Variants in URB1 observed in about 807,000 individuals in gnomAD.
The protein encoded by URB1 is nucleolar pre-ribosomal-associated protein 1.
URB1 carries 197 observed loss-of-function variants against 242.3 expected under a neutral mutation model. The ratio of observed to expected loss-of-function variants is 0.81; its 90% CI spans 0.72 to 0.91. The LOEUF is 0.91. Ranked by LOEUF, URB1 falls within the 40% of genes least tolerant of loss-of-function variation. The pLI, the probability that URB1 is intolerant of heterozygous loss-of-function variation, is 0.00. For synonymous variants in URB1, 1,153 were observed against 1,201.8 expected, an observed-to-expected ratio of 0.96 and a Z score of 0.84; for missense variants, 2,721 against 2,860.5, an observed-to-expected ratio of 0.95 and a Z score of 1.11.
At position 32,337,651 on chromosome 21, in the gene URB1, T is replaced by C. The variant is rs184014738; in HGVS notation, c.4511-137A>G. 1.2e-3 allele frequency: 702 copies of C among 586,872 alleles called. 1 individual carries two copies. The highest frequency in any genetic ancestry group is 1.7e-3 in the Non-Finnish European group (563 of 336,608). The allele number at this position is 586,872 out of a possible 1,614,324, so 36.4% of individuals were successfully genotyped here. A position where few individuals can be genotyped will look rare whatever the true frequency, so the allele number is the denominator to read the frequency against. ...AATAATACTGGTGTTTGGACTGCCA[T>C]CTAATCCCTTCCCCGCTTATTTTTT... is the stretch of plus-strand genomic sequence containing the variant. On this transcript the variant is annotated intron_variant, in intron 26 of 38. Coordinates refer to ENST00000382751, the MANE Select transcript of URB1 (RefSeq NM_014825.3).
chr21:32,348,718 C>T (rs16989300), intron 21 of URB1, among the ~76,000 whole-genome samples: 3,886 of 152,290 alleles, frequency 0.026, 164 homozygotes, highest in African/African-American at 0.089. Context: ...CTTTGCCTCA[C>T]GCTGACTGGC....
chr21:32,337,839 A>G (rs2032980403), intron 26 of URB1, among the ~76,000 whole-genome samples: 1 of 151,920 alleles, frequency 6.6e-6, no homozygotes, highest in Admixed American at 6.6e-5. Flanking sequence ...GTGTTTTTCA[A>G]TTAAGACATC....
rs752715368 is a variant in URB1, at chr21:32,373,785, TAAAAC to T, written c.751-18_751-14del. 2.9e-4 allele frequency: 435 copies of T among 1,501,922 alleles called. 1 individual carries two copies. In the African/African-American group the frequency reaches 5.7e-3, roughly 20 times the overall value. The allele number at this position is 1,501,922 out of a possible 1,614,324, so 93.0% of individuals were successfully genotyped here. On this transcript the variant is annotated splice_polypyrimidine_tract_variant and intron_variant, in intron 6 of 38. Transcript: ENST00000382751. Reference sequence around the variant, plus strand: ...TATTGTGAACTACCTGAAACAATAATAAAACAAATTATTAAAAAACAAATTATGAA... The same window carrying T: ...TATTGTGAACTACCTGAAACAATAATAAATTATTAAAAAACAAATTATGAA...
At chr21:32,391,606 C>T (rs1021100216) in intron 1 of URB1, among the ~76,000 whole-genome samples, 9 of 152,078 alleles carry the variant, frequency 5.9e-5, no homozygotes, top group East Asian at 3.9e-4. Flanking sequence ...TTATCTCTAC[C>T]GTAGCAAATA....
intron 24 of URB1, among the ~76,000 whole-genome samples, chr21:32,341,755 A>T (rs911899024): frequency 5.3e-5 from 8 of 151,608 alleles, no homozygotes; most frequent in Non-Finnish European, 8.8e-5. Context: ...TGCAATGATT[A>T]TTTTTTTTTA....
chr21:32,348,085 C>A (rs912124808), intron 21 of URB1, among the ~76,000 whole-genome samples: 1 of 152,176 alleles, frequency 6.6e-6, no homozygotes, highest in African/African-American at 2.4e-5. Flanking sequence ...CTGGCTGGTG[C>A]CCCACCCACA....
intron 38 of URB1, among the ~76,000 whole-genome samples, chr21:32,316,075 A>G (rs2032678878): frequency 6.6e-6 from 1 of 152,224 alleles, no homozygotes; most frequent in African/African-American, 2.4e-5. Flanking sequence ...ATGCACATGC[A>G]CATGCGCACA....
At chr21:32,339,395 G>A (rs2033001609) in intron 25 of URB1, among the ~76,000 whole-genome samples, 1 of 151,996 alleles carries the variant, frequency 6.6e-6, no homozygotes, top group African/African-American at 2.4e-5. Flanking sequence ...CACTGACACG[G>A]CACTGCATAG....
intron 20 of URB1, among the ~76,000 whole-genome samples, chr21:32,349,878 T>C (rs1053334615): frequency 3.3e-5 from 5 of 150,952 alleles, no homozygotes; most frequent in Non-Finnish European, 7.4e-5. Flanking sequence ...GTATATCACC[T>C]GAGGTCAGGA....
intron 8 of URB1, among the ~76,000 whole-genome samples, chr21:32,371,319 G>A (rs7283020): frequency 0.15 from 22,456 of 152,152 alleles, 2,220 homozygotes; most frequent in African/African-American, 0.28. Flanking sequence ...GCAAAGAGAC[G>A]CACACCCACA....
At chr21:32,342,017 C>T (rs560217290) in intron 24 of URB1, among the ~76,000 whole-genome samples, 2 of 148,556 alleles carry the variant, frequency 1.3e-5, no homozygotes, top group Non-Finnish European at 3.0e-5. Flanking sequence ...AAACAATCCA[C>T]AAGAGCATGA....
In URB1 at chr21:32,325,334, G is replaced by A. The variant is rs1239223517; in HGVS notation, c.5016C>T (p.Val1672=). 1 of 1,551,612 alleles carries A rather than the reference G, an allele frequency of 6.4e-7. No individual in the cohort carries two copies. Among genetic ancestry groups the A allele is most frequent in the Admixed American group, 2.0e-5 (1 of 50,980 alleles). ...GGGGGTCATAGCTGCTGAGGGCTGT[G>A]ACAGTTAGGCCCAGAGCATTTGAAT... is the stretch of plus-strand genomic sequence containing the variant. ...FLDSNALGLT[V]TALSSYDPQM... is the part of the protein sequence containing the mutation. Residue 1672 remains valine (V), a synonymous_variant, in exon 31 of 39, where the codon GTC becomes GTT. Coordinates refer to ENST00000382751, the MANE Select transcript of URB1 (RefSeq NM_014825.3).
Position 32,338,757 on chromosome 21 carries a change from G to A in URB1, c.4460C>T (p.Pro1487Leu), listed in dbSNP as rs200095392. 8.2e-4 allele frequency: 1,271 copies of A among 1,551,638 alleles called. 4 individuals are homozygous for A. Among genetic ancestry groups the A allele is most frequent in the Admixed American group, 1.6e-3 (82 of 51,000 alleles). ...CTCTCCGTCAGACGTCAGTAGAGTC[G>A]GCAGAAACAGCGAGTGCTGCATGAG... Reference protein sequence around the residue: ...VMLMQHSLFLPTLLTSDGEES... With the variant: ...VMLMQHSLFLLTLLTSDGEES... Residue 1487 changes from proline (P) to leucine (L), a missense_variant, in exon 26 of 39, where the codon CCG (proline) becomes CTG (leucine). Physicochemically the swap from Pro to Leu is moderately conservative, Grantham distance 98. Transcript: ENST00000382751.
chr21:32,321,701 C>CT, intron 34 of URB1, 100 bp downstream of exon 34: 1 of 1,496,976 alleles, frequency 6.7e-7, no homozygotes, highest in South Asian at 1.3e-5. Flanking sequence ...CGGTCGTGTC[C>CT]AGGCTGGGAA....
chr21:32,334,247 C>A lies in URB1; in HGVS notation c.4773G>T (p.Gly1591=), dbSNP rs1342642773. The stretch of plus-strand genomic sequence containing the variant: ...CCCGGTCCAGCAGGCGAAGGATGTC[C>A]CCGACACTCGGCTGCTGCCACAGTG... ...GRSLWQQPSV[G]DILRLLDRDR... Residue 1591 remains glycine, a synonymous_variant, in exon 29 of 39, where the codon GGG becomes GGT. Transcript: ENST00000382751. 2.1e-5 allele frequency: 33 copies of A among 1,551,420 alleles called. No homozygotes were observed. The highest frequency in any genetic ancestry group is 2.8e-5 in the Non-Finnish European group (32 of 1,146,974).
chr21:32,349,511 C>A, intron 20 of URB1, 28 bp from the exon 21 acceptor site: 1 of 1,519,160 alleles, frequency 6.6e-7, no homozygotes. Flanking sequence ...CGAGCCTCAG[C>A]AGGGAAGAGA....
intron 1 of URB1, among the ~76,000 whole-genome samples, chr21:32,387,734 G>A (rs1352938244): frequency 6.6e-6 from 1 of 151,940 alleles, no homozygotes; most frequent in African/African-American, 2.4e-5. Flanking sequence ...AGACACATCA[G>A]AATAGCGTGG....
In URB1 at chr21:32,361,918, G is replaced by C; in HGVS notation, c.1613C>G (p.Pro538Arg). 6.4e-7 allele frequency: 1 copy of C among 1,551,254 alleles called. No individual in the cohort carries two copies. The highest frequency in any genetic ancestry group is 1.2e-5 in the South Asian group (1 of 84,040). Residue 538 changes from proline to arginine, a missense_variant, in exon 12 of 39, where the codon CCG (proline) becomes CGG (arginine). Physicochemically the swap from Pro to Arg is moderately radical, Grantham distance 103. Transcript: ENST00000382751. ...KKGQKRSDGP[P>R]AACDAHQCDD... is the part of the protein sequence containing the mutation. ...GCACTGGTGAGCATCGCAGGCAGCC[G>C]GGGGCCCATCGCTCCTTTTCTGCCC...
In URB1 at chr21:32,311,345, A is replaced by C; in HGVS notation, c.*3573T>G. ...ACCAAGATACAAGTTGGCTTGGGCT[A>C]TGGATATAAAATGAACTACACTCAG... On this transcript the variant is annotated 3_prime_UTR_variant, in exon 39 of 39. Coordinates refer to ENST00000382751, the MANE Select transcript of URB1 (RefSeq NM_014825.3). The C allele has an allele frequency of 3.4e-6, 1 of 290,066 alleles. No individual in the cohort carries two copies. 18.0% of individuals were successfully genotyped at this position (290,066 alleles called of 1,614,324 possible). A position where few individuals can be genotyped will look rare whatever the true frequency, so the allele number is the denominator to read the frequency against.
Sources: allele counts gnomAD v4.1 joint callset (sites outside exome capture counted in the v4.1 genomes callset), GRCh38; gene constraint gnomAD v4.1.1; transcripts MANE v1.5; gene names NCBI Gene and HGNC (gene_info 2026-07-23, HGNC 2026-07-21).